TTN: variants seen among roughly 807,000 people sequenced by gnomAD.
TTN encodes the protein connectin.
Under a neutral mutation model 3,223.0 loss-of-function variants are expected in TTN, and 1,525 were observed. The ratio of observed to expected loss-of-function variants is 0.47; its 90% CI spans 0.45 to 0.49. The LOEUF (loss-of-function observed/expected upper bound fraction) is 0.49. Among genes scored for constraint, TTN ranks in the 20% least tolerant of loss-of-function variants. The probability of loss-of-function intolerance (pLI) is 0.00; values close to 1 mark genes in which losing one functional copy is unlikely to be tolerated. For missense variants in TTN, 40,786 were observed against 43,424.0 expected, an observed-to-expected ratio of 0.94 and a Z score of 5.40; for synonymous variants, 14,094 against 15,161.0, an observed-to-expected ratio of 0.93 and a Z score of 5.17.
intron 6 of TTN, among the ~76,000 whole-genome samples, chr2:178,797,613 G>C (rs540390177): frequency 6.6e-6 from 1 of 151,986 alleles, no homozygotes; most frequent in East Asian, 1.9e-4. Context: ...ATAAGCTTAC[G>C]TAATTTTGTA....
At position 178,554,228 on chromosome 2, in the gene TTN, G is replaced by A; in HGVS notation, c.88895-12C>T. On this transcript the variant is annotated splice_polypyrimidine_tract_variant and intron_variant, in intron 332 of 362. Coordinates refer to ENST00000589042, the MANE Select transcript of TTN (RefSeq NM_001267550.2). ...TGGCCCAGGTGTAACTATTTAGAAAGGAAGGGAAAACAAGGTACAAGAATC... is the reference window on the plus strand; with the variant it reads ...TGGCCCAGGTGTAACTATTTAGAAAAGAAGGGAAAACAAGGTACAAGAATC... 6.4e-7 allele frequency: 1 copy of A among 1,564,778 alleles called. No individual in the cohort carries two copies. The highest frequency in any genetic ancestry group is 1.4e-5 in the African/African-American group (1 of 72,654).
At chr2:178,765,457 A>G (rs570734893) in intron 41 of TTN, among the ~76,000 whole-genome samples, 1 of 152,272 alleles carries the variant, frequency 6.6e-6, no homozygotes, top group Non-Finnish European at 1.5e-5. Context: ...ATTAGAAGAA[A>G]TGACTTCTGT....
In TTN at chr2:178,562,357, G is replaced by A. The variant is rs763936394; in HGVS notation, c.83775C>T (p.Gly27925=). 3.1e-6 allele frequency: 5 copies of A among 1,610,868 alleles called. No homozygotes were observed. In the East Asian group the frequency reaches 6.7e-5, roughly 22 times the overall value. ...AGACATACTCTTCTCCTGCAGTTAA[G>A]CCAGATATAGTTGCTTCTAGAGTCT... ...QVKTLEATIS[G]LTAGEEYVFR... The change falls in exon 326 of 363, where the codon GGC becomes GGT. Residue 27925 remains glycine (G), a synonymous_variant. Coordinates refer to ENST00000589042, the MANE Select transcript of TTN (RefSeq NM_001267550.2).
At chr2:178,737,460 C>T (rs957264983) in intron 49 of TTN, 1 of 152,166 alleles carries the variant, frequency 6.6e-6, no homozygotes, top group Non-Finnish European at 1.5e-5. Context: ...GACACCACGC[C>T]TGGCTAATTT....
Position 178,688,121 on chromosome 2 carries a change from T to C in TTN, c.32301A>G (p.Thr10767=). The C allele has an allele frequency of 6.2e-7, 1 of 1,612,550 alleles. No individual in the cohort carries two copies. The part of the protein sequence containing the change: ...EREEEEEAEV[T]EYEVMEEPEE... ...ATTTGCATTGTTTACCTTCATATTC[T>C]GTAACCTCTGCTTCTTCCTCCTCCT... Residue 10767 remains threonine, a synonymous_variant, in exon 127 of 363, where the codon ACA becomes ACG. Coordinates refer to ENST00000589042, the MANE Select transcript of TTN (RefSeq NM_001267550.2).
Position 178,617,511 on chromosome 2 carries a change from C to G in TTN, c.47574G>C (p.Glu15858Asp), listed in dbSNP as rs1025015992. ...TTAGGTTTACAGGAGGACTTGGTCT[C>G]TCTGGAATAAAAGAAGGAGTTGGAG... ...TPFVKVADPI[E>D]RPSPPVNLTS... Residue 15858 changes from glutamate (E) to aspartate (D), a missense_variant and splice_region_variant, in exon 254 of 363, where the codon GAG becomes GAC. Coordinates refer to ENST00000589042, the MANE Select transcript of TTN (RefSeq NM_001267550.2). The G allele has an allele frequency of 1.6e-5, 25 of 1,578,490 alleles. No individual in the cohort carries two copies. The highest frequency in any genetic ancestry group is 2.1e-5 in the Non-Finnish European group (24 of 1,169,178).
At chr2:178,773,051 T>C in intron 33 of TTN, 58 bp downstream of exon 33, 1 of 1,608,204 alleles carries the variant, frequency 6.2e-7, no homozygotes, top group Admixed American at 1.7e-5. Flanking sequence ...AAATGAATAA[T>C]AATTTCTTAA....
intron 99 of TTN, among the ~76,000 whole-genome samples, chr2:178,708,458 A>G (rs907781185): frequency 2.6e-5 from 4 of 152,200 alleles, no homozygotes; most frequent in Non-Finnish European, 5.9e-5. Flanking sequence ...GTATTATGTA[A>G]TGATTTTGTT....
At chr2:178,529,347 C>G (rs1688006060) in intron 359 of TTN, 128 bp from the exon 360 acceptor site, 1 of 622,570 alleles carries the variant, frequency 1.6e-6, no homozygotes, top group Non-Finnish European at 2.5e-6. Flanking sequence ...GTAGGTAATA[C>G]CTAATACTTT....
At chr2:178,714,682 T>G (rs2077194269) in intron 90 of TTN, 109 bp from the exon 91 acceptor site, 4 of 1,282,416 alleles carry the variant, frequency 3.1e-6, no homozygotes, top group South Asian at 1.6e-5. Context: ...TTATTTCCAT[T>G]TAAGAGGCAT....
chr2:178,655,174 G>A lies in TTN; in HGVS notation c.38039-179C>T, dbSNP rs1354051217. Among the ~76,000 whole-genome samples the A allele has an allele frequency of 1.6e-4, 22 of 136,008 alleles. 4 individuals carry two copies. The East Asian group carries it at 4.3e-3, about 26-fold the overall frequency. The allele number at this position is 136,008 out of a possible 152,430, so 89.2% of individuals were successfully genotyped here. On this transcript the variant is annotated intron_variant, in intron 189 of 362. Coordinates refer to ENST00000589042, the MANE Select transcript of TTN (RefSeq NM_001267550.2). ...AATCCATCATATAAACAGAACCAAC[G>A]ACAAAAACCACGTGATTATCTCAAT...
Position 178,576,782 on chromosome 2 carries a change from G to GTTCT in TTN, c.69458_69461dup (p.Asn23154LysfsTer14), listed in dbSNP as rs397517679. On this transcript the variant is annotated frameshift_variant, in exon 325 of 363. Transcript: ENST00000589042. LOFTEE classifies it high-confidence loss of function. This position sits in a 1 kb window ranked among gnomAD's most constrained non-coding sequence, Gnocchi z 4.3. ...GCCTTTTCCAGCTGACAGTGGCAGTGTTCTTAGTGACATTTGATACCTCTG... is the reference window on the plus strand; with the variant it reads ...GCCTTTTCCAGCTGACAGTGGCAGTGTTCTTTCTTAGTGACATTTGATACCTCTG... 1 of 1,613,420 alleles carries GTTCT rather than the reference G, an allele frequency of 6.2e-7. No homozygotes were observed. Among genetic ancestry groups the GTTCT allele is most frequent in the Non-Finnish European group, 8.5e-7 (1 of 1,179,602 alleles).
intron 339 of TTN, 22 bp downstream of exon 339, chr2:178,547,385 A>G: frequency 3.2e-6 from 5 of 1,584,634 alleles, no homozygotes; most frequent in Non-Finnish European, 4.3e-6. Flanking sequence ...AGACTTTGAA[A>G]TAGGATTTTT....
At position 178,629,322 on chromosome 2, in the gene TTN, C is replaced by T; in HGVS notation, c.44403G>A (p.Lys14801=). The stretch of plus-strand genomic sequence containing the variant: ...TTACCTTATCGCTGGGCTCTAGTTT[C>T]TTCCCTTTGAGATACCATTCCACTG... ...DIPVEWYLKG[K]KLEPSDKVVP... is the part of the protein sequence containing the mutation. The change falls in exon 240 of 363, where the codon AAG becomes AAA. Residue 14801 remains lysine (K), a synonymous_variant. Coordinates refer to ENST00000589042, the MANE Select transcript of TTN (RefSeq NM_001267550.2). 6.2e-7 allele frequency: 1 copy of T among 1,612,720 alleles called. No individual in the cohort carries two copies. Among genetic ancestry groups the T allele is most frequent in the Non-Finnish European group, 8.5e-7 (1 of 1,179,218 alleles).
At position 178,575,855 on chromosome 2, in the gene TTN, C is replaced by G; in HGVS notation, c.70277G>C (p.Gly23426Ala). ...GTCCAAGACTCTGACGTTCACAAAG[C>G]CACTTTTCTTCCCAGCCGGGTTTTC... ...TIENPAGKKS[G>A]FVNVRVLDTP... The change falls in exon 326 of 363, where the codon GGC (glycine) becomes GCC (alanine). Residue 23426 changes from glycine (G) to alanine (A), a missense_variant. By Grantham distance (60) the Gly-to-Ala change is moderately conservative. Transcript: ENST00000589042. The surrounding 1 kb of genome is among the most constrained non-coding windows in gnomAD (Gnocchi z 4.0). 6.2e-7 allele frequency: 1 copy of G among 1,613,556 alleles called. No homozygotes were observed. The highest frequency in any genetic ancestry group is 1.1e-5 in the South Asian group (1 of 91,066).
chr2:178,756,578 C>T lies in TTN; in HGVS notation c.10898G>A (p.Cys3633Tyr). 1 of 1,612,028 alleles carries T rather than the reference C, an allele frequency of 6.2e-7. No homozygotes were observed. The highest frequency in any genetic ancestry group is 8.5e-7 in the Non-Finnish European group (1 of 1,178,742). The change falls in exon 46 of 363, where the codon TGC becomes TAC. Residue 3633 changes from cysteine to tyrosine, a missense_variant. Cys to Tyr is a radical substitution (Grantham distance 194, BLOSUM62 -2). Coordinates refer to ENST00000589042, the MANE Select transcript of TTN (RefSeq NM_001267550.2). ...AATTTGTGAAAGGGATGCAGTATGG[C>T]ACAACTGTGTATCTTGAACAGATGC... is the stretch of plus-strand genomic sequence containing the variant. ...TAASVQDTQL[C>Y]HTASLSQIAE...
rs1487258039 is a variant in TTN, at chr2:178,603,904, T to TCCTGCAACCTCTG, written c.54782_54783insCAGAGGTTGCAGG (p.Asp18262ArgfsTer25). 6.2e-7 allele frequency: 1 copy of TCCTGCAACCTCTG among 1,609,634 alleles called. No individual in the cohort carries two copies. Among genetic ancestry groups the TCCTGCAACCTCTG allele is most frequent in the Non-Finnish European group, 8.5e-7 (1 of 1,176,890 alleles). ...TGGGATCTCCTGCAACCTCTGGATCTGATGGTTCACTGGGAGGACCAATTC... is the reference window on the plus strand; with the variant it reads ...TGGGATCTCCTGCAACCTCTGGATCTCCTGCAACCTCTGGATGGTTCACTGGGAGGACCAATTC... On this transcript the variant is annotated frameshift_variant, in exon 282 of 363. Coordinates refer to ENST00000589042, the MANE Select transcript of TTN (RefSeq NM_001267550.2). LOFTEE classifies it high-confidence loss of function.
chr2:178,757,410 C>T (rs969525866), intron 45 of TTN, 132 bp downstream of exon 45: 2 of 1,164,398 alleles, frequency 1.7e-6, no homozygotes, highest in East Asian at 2.6e-5. Context: ...GGAGTTATTG[C>T]ATGTTATTTT....
intron 242 of TTN, 77 bp downstream of exon 242, chr2:178,624,388 A>G: frequency 1.3e-6 from 2 of 1,590,160 alleles, no homozygotes; most frequent in East Asian, 2.2e-5. Context: ...AGGGCATGCA[A>G]AAAGTGTTGT....
Sources: gnomAD v4.1 joint callset for allele counts (sites outside exome capture counted in the v4.1 genomes callset) on GRCh38, gnomAD v4.1.1 for gene constraint, Gnocchi (gnomAD v3.1) non-coding constraint, MANE v1.5 for transcripts, NCBI Gene and HGNC (gene_info 2026-07-23, HGNC 2026-07-21) for gene names.